PRKG1: variants seen among roughly 807,000 people sequenced by gnomAD.
The protein encoded by PRKG1 is cGMP-dependent protein kinase 1.
In PRKG1, 35 loss-of-function variants were observed where a neutral mutation model predicts 88.1. The observed-to-expected ratio is 0.40, with a 90% CI of 0.30 to 0.53. The LOEUF (loss-of-function observed/expected upper bound fraction) is 0.53. Ranked by LOEUF, PRKG1 falls within the 20% of genes least tolerant of loss-of-function variation. PRKG1 has a pLI of 0.59. For missense variants in PRKG1, 540 were observed against 839.8 expected, an observed-to-expected ratio of 0.64 and a Z score of 4.41; for synonymous variants, 303 against 292.5, an observed-to-expected ratio of 1.04 and a Z score of -0.37.
At chr10:51,190,434 A>T (rs1189476693) in intron 2 of PRKG1, among the ~76,000 whole-genome samples, 1 of 151,866 alleles carries the variant, frequency 6.6e-6, no homozygotes, top group Non-Finnish European at 1.5e-5. Flanking sequence ...AGCAAGGTAG[A>T]TGGGTACTAA....
chr10:51,997,460 ACT>A (rs1334138912), intron 5 of PRKG1, among the ~76,000 whole-genome samples: 1 of 138,538 alleles, frequency 7.2e-6, no homozygotes, highest in East Asian at 2.0e-4. Context: ...AGAGAGTGAG[ACT>A]CTGTCTCAAA....
chr10:50,991,703 G>T lies in PRKG1; in HGVS notation c.266+59G>T. ...CCCGGCCCGCGGCGCAGAGGCTGGG[G>T]GCTCTGGCCGCGGCGGCGGGGGCGG... is the stretch of plus-strand genomic sequence containing the variant. On this transcript the variant is annotated intron_variant, in intron 1 of 17. Coordinates refer to the PRKG1 transcript ENST00000401604. This position sits in a 1 kb window ranked among gnomAD's most constrained non-coding sequence, Gnocchi z 4.5. 1 of 1,177,432 alleles carries T rather than the reference G, an allele frequency of 8.5e-7. No homozygotes were observed. The allele number at this position is 1,177,432 out of a possible 1,614,324, so 72.9% of individuals were successfully genotyped here. A position where few individuals can be genotyped will look rare whatever the true frequency, so the allele number is the denominator to read the frequency against.
intron 5 of PRKG1, among the ~76,000 whole-genome samples, chr10:51,969,868 GA>G (rs1363966711): frequency 2.0e-5 from 3 of 151,710 alleles, no homozygotes; most frequent in African/African-American, 7.3e-5. Context: ...TCTTTATTTG[GA>G]ATTGATTTTA....
intron 1 of PRKG1, among the ~76,000 whole-genome samples, chr10:51,111,562 C>T (rs1176244951): frequency 6.6e-6 from 1 of 152,054 alleles, no homozygotes; most frequent in East Asian, 1.9e-4. Context: ...TGCAAAGGGA[C>T]TACCTATTGG....
Position 50,991,448 on chromosome 10 carries a change from A to T in PRKG1, c.70A>T (p.Lys24Ter). Residue 24 changes from lysine to a stop codon, truncating the protein, a stop_gained, in exon 1 of 18, where the codon AAG becomes TAG. Transcript: ENST00000401604. LOFTEE classifies it high-confidence loss of function. This position sits in a 1 kb window ranked among gnomAD's most constrained non-coding sequence, Gnocchi z 4.5. Reference sequence around the variant, plus strand: ...GGAGGAGAGGATCAAAGAGCTGGAGAAGCGGCTGTCAGAGAAGGAGGAAGA... The same window carrying T: ...GGAGGAGAGGATCAAAGAGCTGGAGTAGCGGCTGTCAGAGAAGGAGGAAGA... 2.5e-6 allele frequency: 4 copies of T among 1,602,418 alleles called. No homozygotes were observed. The highest frequency in any genetic ancestry group is 1.3e-5 in the African/African-American group (1 of 74,630).
chr10:51,389,637 T>C (rs1837347290), intron 2 of PRKG1, among the ~76,000 whole-genome samples: 1 of 152,182 alleles, frequency 6.6e-6, no homozygotes, highest in Non-Finnish European at 1.5e-5. Flanking sequence ...TTATTCTCAG[T>C]AACTTCTTTT....
chr10:51,074,746 G>A lies in PRKG1; in HGVS notation c.156G>A (p.Val52=), dbSNP rs755664654. 5.6e-6 allele frequency: 9 copies of A among 1,614,070 alleles called. No individual in the cohort carries two copies. The Middle Eastern group carries it at 4.9e-4, about 89-fold the overall frequency. The change falls in exon 1 of 18, where the codon GTG becomes GTA. Residue 52 remains valine, a synonymous_variant. Coordinates refer to ENST00000373980, the MANE Select transcript of PRKG1 (RefSeq NM_006258.4). ...LQNELDKYRS[V]IRPATQQAQK... ...ACGAGCTGGACAAGTACCGCTCGGTGATCCGACCAGCCACCCAGCAGGCGC... is the reference window on the plus strand; with the variant it reads ...ACGAGCTGGACAAGTACCGCTCGGTAATCCGACCAGCCACCCAGCAGGCGC...
rs186591092 is a variant in PRKG1 at position 51,670,361 on chromosome 10, A to T, written c.593-134224A>T. On this transcript the variant is annotated intron_variant, in intron 3 of 17. Transcript: ENST00000373980. ...CTTTTTCTCTAATTATGTTCATTTT[A>T]TTTCTATTTTTATTATTTATATTTC... Among the ~76,000 whole-genome samples, 141 of 151,442 alleles carry T rather than the reference A, an allele frequency of 9.3e-4. No individual in the cohort carries two copies. The East Asian group carries it at 0.024, about 26-fold the overall frequency.
intron 3 of PRKG1, among the ~76,000 whole-genome samples, chr10:51,592,735 T>C (rs1433868689): frequency 1.3e-5 from 2 of 152,178 alleles, no homozygotes; most frequent in African/African-American, 2.4e-5. Context: ...CTCAGTACCA[T>C]TGTTTTAATT....
intron 10 of PRKG1, among the ~76,000 whole-genome samples, chr10:52,254,145 A>G (rs1359007883): frequency 1.3e-5 from 2 of 152,038 alleles, no homozygotes; most frequent in African/African-American, 4.8e-5. Flanking sequence ...CCATAATTGT[A>G]CATAACATTG....
intron 12 of PRKG1, among the ~76,000 whole-genome samples, chr10:52,275,489 G>C (rs1170551587): frequency 6.6e-6 from 1 of 152,056 alleles, no homozygotes; most frequent in East Asian, 1.9e-4. Context: ...TCAGTTGGCT[G>C]TAAGTATTTG....
intron 3 of PRKG1, chr10:51,697,842 T>C: frequency 3.7e-6 from 6 of 1,614,000 alleles, no homozygotes; most frequent in Non-Finnish European, 5.1e-6. Context: ...TCCTGTGGAG[T>C]GACCTGGCTC....
At chr10:51,368,804 G>C (rs1791588993) in intron 2 of PRKG1, among the ~76,000 whole-genome samples, 1 of 152,042 alleles carries the variant, frequency 6.6e-6, no homozygotes, top group African/African-American at 2.4e-5. Context: ...GACTAAACTG[G>C]CTTAACCAAA....
intron 1 of PRKG1, among the ~76,000 whole-genome samples, chr10:51,095,171 A>G (rs537860855): frequency 6.6e-6 from 1 of 152,292 alleles, no homozygotes; most frequent in Non-Finnish European, 1.5e-5. Context: ...TAAGAGGCAC[A>G]TTCAGAATCC....
chr10:52,220,791 C>A (rs1216859017), intron 9 of PRKG1, among the ~76,000 whole-genome samples: 2 of 152,090 alleles, frequency 1.3e-5, no homozygotes, highest in East Asian at 3.9e-4. Context: ...TATATATATA[C>A]CACATTTTCT....
chr10:51,085,001 T>C (rs1844211821), intron 1 of PRKG1, among the ~76,000 whole-genome samples: 1 of 152,238 alleles, frequency 6.6e-6, no homozygotes, highest in South Asian at 2.1e-4. Context: ...TCCAGTTTTA[T>C]CAGTAAATTA....
chr10:51,724,026 G>A (rs1294356604), intron 3 of PRKG1, among the ~76,000 whole-genome samples: 2 of 152,180 alleles, frequency 1.3e-5, no homozygotes, highest in African/African-American at 4.8e-5. Flanking sequence ...TATTACGGGT[G>A]TGTCGATGTG....
intron 3 of PRKG1, among the ~76,000 whole-genome samples, chr10:51,562,942 T>A (rs1047630231): frequency 1.7e-5 from 2 of 116,932 alleles, no homozygotes; most frequent in South Asian, 6.6e-4. Context: ...CTATTTTTTT[T>A]ATTATTTTTA....
rs397846439 is a variant in PRKG1 at position 52,089,804 on chromosome 10, C to CTTTTTTTTTTTTTTTTTTTTTTTT, written c.935+27174_935+27197dup. ...GGCTTAGATTATTGTTTCTTTCCTT[C>CTTTTTTTTTTTTTTTTTTTTTTTT]TTTTTTTTTTTTTTTTTTTTTTTTG... is the stretch of plus-strand genomic sequence containing the variant. On this transcript the variant is annotated intron_variant, in intron 7 of 17. Coordinates refer to ENST00000373980, the MANE Select transcript of PRKG1 (RefSeq NM_006258.4). Among the ~76,000 whole-genome samples, 30 of 67,730 alleles carry CTTTTTTTTTTTTTTTTTTTTTTTT rather than the reference C, an allele frequency of 4.4e-4. 4 individuals are homozygous for CTTTTTTTTTTTTTTTTTTTTTTTT. Among genetic ancestry groups the CTTTTTTTTTTTTTTTTTTTTTTTT allele is most frequent in the African/African-American group, 1.1e-3 (17 of 14,862 alleles). The allele number at this position is 67,730 out of a possible 152,430, so 44.4% of individuals were successfully genotyped here.
Sources: allele counts gnomAD v4.1 joint callset (sites outside exome capture counted in the v4.1 genomes callset), GRCh38; gene constraint gnomAD v4.1.1; non-coding constraint Gnocchi (gnomAD v3.1); transcripts MANE v1.5; gene names NCBI Gene and HGNC (gene_info 2026-07-23, HGNC 2026-07-21).